The following S1PR3 variants were observed in gnomAD, a reference collection of about 807,000 sequenced individuals.
S1PR3 encodes sphingosine 1-phosphate receptor 3.
S1PR3 carries 12 observed loss-of-function variants against 13.3 expected under a neutral mutation model. The ratio of observed to expected loss-of-function variants is 0.90; its 90% CI spans 0.58 to 1.46. The LOEUF (loss-of-function observed/expected upper bound fraction) is 1.46, where lower values mean the gene tolerates loss of function less well. Ranked by LOEUF, S1PR3 falls within the 40% of genes most tolerant of loss-of-function variation. S1PR3 has a pLI of 0.00. For missense variants in S1PR3, 450 were observed against 501.9 expected, an observed-to-expected ratio of 0.90 and a Z score of 0.99; for synonymous variants, 232 against 214.0, an observed-to-expected ratio of 1.08 and a Z score of -0.73.
intron 1 of S1PR3, chr9:88,994,947 A>G (rs559000323): frequency 1.2e-5 from 2 of 167,230 alleles, no homozygotes; most frequent in South Asian, 4.1e-4. Context: ...TGCATTTTGC[A>G]ATGGACTGTC....
In S1PR3 at chr9:88,991,936, T is replaced by C. The variant is rs778167385; in HGVS notation, c.-148+241T>C. The C allele has an allele frequency of 3.7e-6, 6 of 1,614,014 alleles. No individual in the cohort carries two copies. The highest frequency in any genetic ancestry group is 5.1e-6 in the Non-Finnish European group (6 of 1,180,042). On this transcript the variant is annotated intron_variant, in intron 1 of 1. Transcript: ENST00000358157. The surrounding 1 kb of genome is among the most constrained non-coding windows in gnomAD (Gnocchi z 4.0). ...CTGGAGCTGAATACCTGGATGAAAG[T>C]GGAGAGGCTGTTCGTGGAGAAGTTC...
chr9:88,992,264 A>C, intron 1 of S1PR3: 1 of 514,810 alleles, frequency 1.9e-6, no homozygotes. Flanking sequence ...TGAGTCTCCC[A>C]ATAGTCAGTC....
rs6559332 is a variant in S1PR3 at position 88,994,236 on chromosome 9, C to T, written c.-148+2541C>T. ...CTGTGACTAAGGACAAGTGACACCC[C>T]CCCTCCCCCAGCCTCGGTCTCCTCC... On this transcript the variant is annotated intron_variant, in intron 1 of 1. Coordinates refer to ENST00000358157, the MANE Select transcript of S1PR3 (RefSeq NM_005226.4). 1,579 of 167,598 alleles carry T rather than the reference C, an allele frequency of 9.4e-3. 15 individuals are homozygous for T. The highest frequency in any genetic ancestry group is 0.026 in the Middle Eastern group (8 of 304). The allele number at this position is 167,598 out of a possible 1,614,324, so 10.4% of individuals were successfully genotyped here. A position where few individuals can be genotyped will look rare whatever the true frequency, so the allele number is the denominator to read the frequency against.
upstream of S1PR3, chr9:88,991,463 C>G: frequency 9.1e-6 from 14 of 1,546,490 alleles, no homozygotes; most frequent in Non-Finnish European, 1.2e-5. This position sits in a 1 kb window ranked among gnomAD's most constrained non-coding sequence, Gnocchi z 4.0. Context: ...CTGACTCGCT[C>G]GGGCAGAGGC....
chr9:89,001,449 C>T lies in S1PR3; in HGVS notation c.249C>T (p.Leu83=). The T allele has an allele frequency of 6.2e-7, 1 of 1,614,234 alleles. No homozygotes were observed. Among genetic ancestry groups the T allele is most frequent in the African/African-American group, 1.3e-5 (1 of 75,058 alleles). The change falls in exon 2 of 2, where the codon CTC becomes CTT. Residue 83 remains leucine (L), a synonymous_variant. Coordinates refer to ENST00000358157, the MANE Select transcript of S1PR3 (RefSeq NM_005226.4). The stretch of plus-strand genomic sequence containing the variant: ...ACTTTTTCATTGGCAACCTGGCTCT[C>T]TGCGACCTGCTGGCCGGCATCGCTT... The part of the protein sequence containing the change: ...RMYFFIGNLA[L]CDLLAGIAYK...
At position 89,003,173 on chromosome 9, in the gene S1PR3, G is replaced by C. The variant is rs1032086655; in HGVS notation, c.*836G>C. On this transcript the variant is annotated 3_prime_UTR_variant, in exon 2 of 2. Coordinates refer to ENST00000358157, the MANE Select transcript of S1PR3 (RefSeq NM_005226.4). Reference sequence around the variant, plus strand: ...ATGGGCCAAAGAAAGAGCCTATGAAGGAGAAGCAGAAGCAGACGGCTGGCC... The same window carrying C: ...ATGGGCCAAAGAAAGAGCCTATGAACGAGAAGCAGAAGCAGACGGCTGGCC... 1 of 167,120 alleles carries C rather than the reference G, an allele frequency of 6.0e-6. No homozygotes were observed. The highest frequency in any genetic ancestry group is 1.9e-4 in the East Asian group (1 of 5,204). The allele number at this position is 167,120 out of a possible 1,614,324, so 10.4% of individuals were successfully genotyped here.
At chr9:88,999,579 T>C (rs1825844047) in intron 1 of S1PR3, 2 of 152,350 alleles carry the variant, frequency 1.3e-5, no homozygotes, top group East Asian at 1.9e-4. Flanking sequence ...GAGTTGTTCA[T>C]GTGTCTCTGA....
At position 88,991,899 on chromosome 9, in the gene S1PR3, GTTT is replaced by G. The variant is rs1467798348; in HGVS notation, c.-148+205_-148+207del. 1 of 1,614,204 alleles carries G rather than the reference GTTT, an allele frequency of 6.2e-7. No homozygotes were observed. Among genetic ancestry groups the G allele is most frequent in the East Asian group, 2.2e-5 (1 of 44,862 alleles). The stretch of plus-strand genomic sequence containing the variant: ...AGGCCTTTTCCACCGCACCCGGAGC[GTTT>G]ACAACGGGCTGGAGCTGAATACCTG... On this transcript the variant is annotated intron_variant, in intron 1 of 1. Transcript: ENST00000358157. This position sits in a 1 kb window ranked among gnomAD's most constrained non-coding sequence, Gnocchi z 4.0.
chr9:88,991,259 G>A (rs780817069), upstream of S1PR3: 5 of 1,549,124 alleles, frequency 3.2e-6, no homozygotes, highest in Admixed American at 9.8e-5. The surrounding 1 kb of genome is among the most constrained non-coding windows in gnomAD (Gnocchi z 4.0). Flanking sequence ...CGGGGAGAAG[G>A]GGTCCAGGCT....
rs1445006341 is a variant in S1PR3, at chr9:88,992,270, C to T, written c.-148+575C>T. 3 of 501,738 alleles carry T rather than the reference C, an allele frequency of 6.0e-6. No homozygotes were observed. In the East Asian group the frequency reaches 1.1e-4, roughly 19 times the overall value. 31.1% of individuals were successfully genotyped at this position (501,738 alleles called of 1,614,324 possible). A position where few individuals can be genotyped will look rare whatever the true frequency, so the allele number is the denominator to read the frequency against. On this transcript the variant is annotated intron_variant, in intron 1 of 1. Transcript: ENST00000358157. Reference sequence around the variant, plus strand: ...TGGGCTTTTTGAGTCTCCCAATAGTCAGTCTCTCTCTCTCTCTCTCTCTCT... The same window carrying T: ...TGGGCTTTTTGAGTCTCCCAATAGTTAGTCTCTCTCTCTCTCTCTCTCTCT...
intron 1 of S1PR3, chr9:88,992,797 T>TGTGC (rs1414768349): frequency 1.3e-5 from 2 of 152,232 alleles, no homozygotes; most frequent in African/African-American, 4.8e-5. Flanking sequence ...TGTGTGTGTG[T>TGTGC]GTGCGCTTGA....
Position 89,001,571 on chromosome 9 carries a change from C to T in S1PR3, c.371C>T (p.Ala124Val), listed in dbSNP as rs1278036049. 3.7e-6 allele frequency: 6 copies of T among 1,614,236 alleles called. No homozygotes were observed. Among genetic ancestry groups the T allele is most frequent in the Non-Finnish European group, 5.1e-6 (6 of 1,180,046 alleles). Residue 124 changes from alanine to valine, a missense_variant, in exon 2 of 2, where the codon GCG becomes GTG. By Grantham distance (64) the Ala-to-Val change is moderately conservative. Transcript: ENST00000358157. Reference sequence around the variant, plus strand: ...GGCAGTATGTTCGTGGCCCTTGGGGCGTCCACCTGCAGCTTACTGGCCATC... The same window carrying T: ...GGCAGTATGTTCGTGGCCCTTGGGGTGTCCACCTGCAGCTTACTGGCCATC... The part of the protein sequence containing the change: ...REGSMFVALG[A>V]STCSLLAIAI...
intron 1 of S1PR3, chr9:88,992,307 A>G (rs1213672607): frequency 2.0e-5 from 8 of 402,446 alleles, no homozygotes; most frequent in Non-Finnish European, 2.7e-5. Context: ...TCTTCCTCTG[A>G]CTTTCTGGCT....
At chr9:88,994,381 T>A (rs1825771653) in intron 1 of S1PR3, 1 of 167,102 alleles carries the variant, frequency 6.0e-6, no homozygotes. Context: ...ATAGGAAGGA[T>A]CTCCGGTAGC....
At chr9:88,999,469 C>G (rs2118599929) in intron 1 of S1PR3, 1 of 152,322 alleles carries the variant, frequency 6.6e-6, no homozygotes, top group Non-Finnish European at 1.5e-5. Flanking sequence ...CAGGCAAGCC[C>G]TGGATCTTCA....
chr9:88,990,968 A>T (rs1404157600), upstream of S1PR3: 1 of 1,611,172 alleles, frequency 6.2e-7, no homozygotes, highest in East Asian at 2.2e-5. Flanking sequence ...TGCAAGCCCA[A>T]GCCGGTGCTC....
At position 89,004,079 on chromosome 9, in the gene S1PR3, G is replaced by C. The variant is rs1165890160; in HGVS notation, c.*1742G>C. ...GAAAACACAGGGCATTTCTAGGACA[G>C]TAAAACGTTAAAGTACTGGATTAAG... On this transcript the variant is annotated 3_prime_UTR_variant, in exon 2 of 2. Coordinates refer to ENST00000358157, the MANE Select transcript of S1PR3 (RefSeq NM_005226.4). 4 of 166,238 alleles carry C rather than the reference G, an allele frequency of 2.4e-5. No homozygotes were observed. Among genetic ancestry groups the C allele is most frequent in the Non-Finnish European group, 4.4e-5 (3 of 68,114 alleles). The allele number at this position is 166,238 out of a possible 1,614,324, so 10.3% of individuals were successfully genotyped here.
At chr9:88,997,060 A>G (rs1319640233) in intron 1 of S1PR3, 1 of 152,228 alleles carries the variant, frequency 6.6e-6, no homozygotes, top group East Asian at 1.9e-4. Flanking sequence ...TTGATAATCC[A>G]GAGAAAATGA....
In S1PR3 at chr9:89,004,262, G is replaced by A. The variant is rs1825905121; in HGVS notation, c.*1925G>A. 1 of 152,074 alleles carries A rather than the reference G, an allele frequency of 6.6e-6. No individual in the cohort carries two copies. Among genetic ancestry groups the A allele is most frequent in the East Asian group, 1.9e-4 (1 of 5,174 alleles). 9.4% of individuals were successfully genotyped at this position (152,074 alleles called of 1,614,324 possible). A position where few individuals can be genotyped will look rare whatever the true frequency, so the allele number is the denominator to read the frequency against. On this transcript the variant is annotated 3_prime_UTR_variant, in exon 2 of 2. Coordinates refer to ENST00000358157, the MANE Select transcript of S1PR3 (RefSeq NM_005226.4). ...AAAAATACAAAAATTAGCTGGATGC[G>A]ATAGCACGTGCCTGTAGTCCCAGCT... is the stretch of plus-strand genomic sequence containing the variant.
Sources: gnomAD v4.1 joint callset for allele counts on GRCh38, gnomAD v4.1.1 for gene constraint, Gnocchi (gnomAD v3.1) non-coding constraint, MANE v1.5 for transcripts, NCBI Gene and HGNC (gene_info 2026-07-23, HGNC 2026-07-21) for gene names.